The following SGCZ variants were observed in gnomAD, a reference collection of about 807,000 sequenced individuals.
The protein encoded by SGCZ is sarcoglycan zeta.
In SGCZ, 40 loss-of-function variants were observed where a neutral mutation model predicts 41.3. The observed-to-expected ratio is 0.97, with a 90% CI of 0.75 to 1.26. The LOEUF (loss-of-function observed/expected upper bound fraction) is 1.26. SGCZ is among the 50% of genes most tolerant of loss of function. The probability of loss-of-function intolerance (pLI) is 0.00; values close to 1 mark genes in which losing one functional copy is unlikely to be tolerated. For synonymous variants in SGCZ, 206 were observed against 137.5 expected, an observed-to-expected ratio of 1.50 and a Z score of -3.49; for missense variants, 552 against 369.8, an observed-to-expected ratio of 1.49 and a Z score of -4.04.
chr8:14,767,313 A>T (rs1800068620), intron 1 of SGCZ, among the ~76,000 whole-genome samples: 2 of 152,272 alleles, frequency 1.3e-5, no homozygotes, highest in South Asian at 4.1e-4. Flanking sequence ...TTTTCTTTAT[A>T]CATATTTGGC....
chr8:14,746,514 A>G (rs1254622641), intron 1 of SGCZ, among the ~76,000 whole-genome samples: 1 of 151,826 alleles, frequency 6.6e-6, no homozygotes, highest in African/African-American at 2.4e-5. Flanking sequence ...TTCCTCATTC[A>G]CTCTCTCCCC....
intron 2 of SGCZ, among the ~76,000 whole-genome samples, chr8:14,547,986 C>T (rs1329335580): frequency 6.6e-6 from 1 of 152,078 alleles, no homozygotes; most frequent in Non-Finnish European, 1.5e-5. Context: ...ATTCACATGG[C>T]AGATAGGACC....
intron 3 of SGCZ, among the ~76,000 whole-genome samples, chr8:14,282,333 G>C (rs1240088674): frequency 8.0e-6 from 1 of 125,722 alleles, no homozygotes; most frequent in African/African-American, 3.0e-5. Context: ...CCATTTGTCT[G>C]TCTGCCAAAA....
chr8:14,872,477 T>A (rs1219351577), intron 1 of SGCZ, among the ~76,000 whole-genome samples: 1 of 152,122 alleles, frequency 6.6e-6, no homozygotes, highest in Non-Finnish European at 1.5e-5. Flanking sequence ...ATATGCTGTT[T>A]AATTAGAAAT....
At chr8:14,309,672 T>A (rs1801463858) in intron 3 of SGCZ, 6 of 1,610,272 alleles carry the variant, frequency 3.7e-6, no homozygotes, top group Non-Finnish European at 4.2e-6. Context: ...GTTTGTTGTT[T>A]AAGAAGACAC....
intron 1 of SGCZ, among the ~76,000 whole-genome samples, chr8:14,630,927 G>A (rs1249120059): frequency 2.0e-5 from 3 of 151,200 alleles, no homozygotes; most frequent in Non-Finnish European, 2.9e-5. Flanking sequence ...TGTAAATGAC[G>A]AGTTAACGGA....
intron 1 of SGCZ, among the ~76,000 whole-genome samples, chr8:15,056,409 A>C (rs1026162790): frequency 2.6e-5 from 4 of 152,204 alleles, no homozygotes; most frequent in African/African-American, 9.6e-5. Flanking sequence ...ACATGGAAAC[A>C]GGAACTCTTA....
intron 4 of SGCZ, among the ~76,000 whole-genome samples, chr8:14,186,306 A>G (rs2117035225): frequency 6.6e-6 from 1 of 152,384 alleles, no homozygotes; most frequent in African/African-American, 2.4e-5. Flanking sequence ...GCAGAAGCAG[A>G]GAGAGACTGT....
At chr8:14,332,373 G>A (rs1055635380) in intron 2 of SGCZ, among the ~76,000 whole-genome samples, 16 of 152,184 alleles carry the variant, frequency 1.1e-4, no homozygotes, top group Admixed American at 3.3e-4. Flanking sequence ...CCCGGGAGGC[G>A]GAGCTTGCGG....
intron 2 of SGCZ, among the ~76,000 whole-genome samples, chr8:14,339,261 T>G (rs1802614141): frequency 6.6e-6 from 1 of 152,194 alleles, no homozygotes; most frequent in Admixed American, 6.5e-5. Context: ...AGACAAATAA[T>G]GCAGATCTAA....
At chr8:14,262,032 C>A (rs757567217) in intron 3 of SGCZ, among the ~76,000 whole-genome samples, 3 of 152,152 alleles carry the variant, frequency 2.0e-5, no homozygotes, top group Admixed American at 6.5e-5. Flanking sequence ...AAAATAGGCA[C>A]TAATCAGAGG....
chr8:14,858,351 G>A (rs1019942666), intron 1 of SGCZ, among the ~76,000 whole-genome samples: 1 of 151,966 alleles, frequency 6.6e-6, no homozygotes, highest in Non-Finnish European at 1.5e-5. Context: ...TTAGTAAGAA[G>A]AGTAACATTG....
intron 3 of SGCZ, among the ~76,000 whole-genome samples, chr8:14,250,325 G>A (rs938179644): frequency 1.3e-5 from 2 of 152,084 alleles, no homozygotes; most frequent in African/African-American, 2.4e-5. Flanking sequence ...AAATTAGAAT[G>A]TTTGCCCTCC....
At chr8:15,192,645 G>A (rs1404730717) in intron 1 of SGCZ, among the ~76,000 whole-genome samples, 1 of 152,058 alleles carries the variant, frequency 6.6e-6, no homozygotes, top group African/African-American at 2.4e-5. Flanking sequence ...CTCATCAACA[G>A]ATCCCATATG....
At position 14,279,451 on chromosome 8, in the gene SGCZ, C is replaced by G. The variant is rs1191308380; in HGVS notation, c.337-41772G>C. Among the ~76,000 whole-genome samples, 4 of 151,788 alleles carry G rather than the reference C, an allele frequency of 2.6e-5. No individual in the cohort carries two copies. The East Asian group carries it at 7.7e-4, about 29-fold the overall frequency. ...ACTACCTTTTTTTCCCTAGATTACA[C>G]ATTTTTTTTCAACTTCTAATAAAGA... On this transcript the variant is annotated intron_variant, in intron 3 of 7. Transcript: ENST00000382080.
chr8:15,003,198 T>G (rs11203670), intron 1 of SGCZ, among the ~76,000 whole-genome samples: 1 of 151,870 alleles, frequency 6.6e-6, no homozygotes, highest in East Asian at 1.9e-4. Context: ...AGAAATAAAA[T>G]TTACTGAAGG....
At chr8:14,890,529 T>G (rs775110687) in intron 1 of SGCZ, among the ~76,000 whole-genome samples, 5 of 152,144 alleles carry the variant, frequency 3.3e-5, no homozygotes, top group Admixed American at 6.5e-5. Flanking sequence ...CAAGAAAAGT[T>G]TGAAGCTAGA....
At chr8:15,158,022 G>A (rs1212212150) in intron 1 of SGCZ, among the ~76,000 whole-genome samples, 2 of 152,068 alleles carry the variant, frequency 1.3e-5, no homozygotes, top group African/African-American at 2.4e-5. Flanking sequence ...TCCATTCTTT[G>A]TCCATGCACT....
intron 2 of SGCZ, among the ~76,000 whole-genome samples, chr8:14,544,517 C>T (rs1406403529): frequency 1.3e-5 from 2 of 152,024 alleles, no homozygotes; most frequent in Admixed American, 1.3e-4. Context: ...AATTCTTTTC[C>T]TAGCAAAGAA....
Sources: allele counts gnomAD v4.1 joint callset (sites outside exome capture counted in the v4.1 genomes callset), GRCh38; gene constraint gnomAD v4.1.1; transcripts MANE v1.5; gene names NCBI Gene and HGNC (gene_info 2026-07-23, HGNC 2026-07-21).